DNAH12: variants seen among roughly 807,000 people sequenced by gnomAD.
The protein encoded by DNAH12 is axonemal beta dynein heavy chain 12.
Under a neutral mutation model 371.5 loss-of-function variants are expected in DNAH12, and 285 were observed. The ratio of observed to expected loss-of-function variants is 0.77; its 90% CI spans 0.70 to 0.85. The LOEUF (loss-of-function observed/expected upper bound fraction) is 0.85. Ranked by LOEUF, DNAH12 falls within the 40% of genes least tolerant of loss-of-function variation. The pLI is 0.00. For missense variants in DNAH12, 3,611 were observed against 3,689.4 expected, an observed-to-expected ratio of 0.98 and a Z score of 0.55; for synonymous variants, 1,200 against 1,213.0, an observed-to-expected ratio of 0.99 and a Z score of 0.22.
At chr3:57,536,735 T>C (rs886294758) in intron 2 of DNAH12, among the ~76,000 whole-genome samples, 48 of 152,318 alleles carry the variant, frequency 3.2e-4, no homozygotes, top group Non-Finnish European at 5.6e-4. Flanking sequence ...ATAGTTAGCC[T>C]TGCACTGTAA....
intron 72 of DNAH12, 93 bp from the exon 73 acceptor site, chr3:57,295,685 A>G: frequency 1.9e-6 from 2 of 1,079,790 alleles, no homozygotes; most frequent in Admixed American, 5.9e-5. Context: ...TTACTAAAAG[A>G]AAGGACTAGA....
chr3:57,309,900 T>C, intron 67 of DNAH12, 46 bp from the exon 68 acceptor site: 3 of 1,495,136 alleles, frequency 2.0e-6, no homozygotes, highest in Non-Finnish European at 2.7e-6. Context: ...CCCTGGATAC[T>C]GAAAGGGATG....
intron 13 of DNAH12, among the ~76,000 whole-genome samples, chr3:57,473,247 G>A (rs1015416168): frequency 1.4e-4 from 21 of 152,120 alleles, no homozygotes; most frequent in Non-Finnish European, 4.4e-5. Context: ...AACACTTTGG[G>A]AAGCTGAGGC....
chr3:57,316,140 T>G (rs940052553), intron 65 of DNAH12, among the ~76,000 whole-genome samples: 1 of 151,872 alleles, frequency 6.6e-6, no homozygotes, highest in East Asian at 1.9e-4. Context: ...CCCCTTTTTT[T>G]TTTTTGCTTG....
intron 2 of DNAH12, among the ~76,000 whole-genome samples, chr3:57,536,993 G>C (rs1182527455): frequency 1.4e-5 from 1 of 72,258 alleles, no homozygotes; most frequent in Non-Finnish European, 3.5e-5. Context: ...TTGAGTTCAA[G>C]ACCAGCCTGG....
chr3:57,404,070 C>T (rs1553680115), intron 42 of DNAH12, among the ~76,000 whole-genome samples: 1 of 152,114 alleles, frequency 6.6e-6, no homozygotes, highest in African/African-American at 2.4e-5. Context: ...GTTGAAGATG[C>T]TTATATACTA....
chr3:57,343,978 T>A (rs1553657179), intron 60 of DNAH12, among the ~76,000 whole-genome samples: 1 of 152,148 alleles, frequency 6.6e-6, no homozygotes, highest in Non-Finnish European at 1.5e-5. Context: ...CTCCTTATTA[T>A]CACCCTGTTC....
intron 60 of DNAH12, among the ~76,000 whole-genome samples, chr3:57,337,023 A>G (rs1365880744): frequency 6.6e-6 from 1 of 152,218 alleles, no homozygotes; most frequent in Non-Finnish European, 1.5e-5. Flanking sequence ...CCTCACCTGA[A>G]AAGACAGAGA....
chr3:57,421,783 A>G, intron 35 of DNAH12, 77 bp from the exon 36 acceptor site: 1 of 1,454,900 alleles, frequency 6.9e-7, no homozygotes, highest in Non-Finnish European at 9.4e-7. Flanking sequence ...CCAAAATTCA[A>G]TATATTAGGA....
rs1177942335 is a variant in DNAH12, at chr3:57,419,362, C to G, written c.5714+5G>C. 1 of 1,491,594 alleles carries G rather than the reference C, an allele frequency of 6.7e-7. No individual in the cohort carries two copies. The highest frequency in any genetic ancestry group is 8.9e-7 in the Non-Finnish European group (1 of 1,128,074). 92.4% of individuals were successfully genotyped at this position (1,491,594 alleles called of 1,614,324 possible). ...AAAATGCTTGTTTATAGCAGAGTTC[C>G]TTACTTTGCATAGGTAATACTCAAA... On this transcript the variant is annotated splice_donor_5th_base_variant and intron_variant, in intron 37 of 73. Coordinates refer to ENST00000495027, the MANE Select transcript of DNAH12 (RefSeq NM_001366028.2).
rs141744119 is a variant in DNAH12 at position 57,508,250 on chromosome 3, G to C, written c.701+132C>G. ...CCCACACAATTGTTGAAACAAACAAGATACATTTTTTTAAACTCTAAAATC... is the reference window on the plus strand; with the variant it reads ...CCCACACAATTGTTGAAACAAACAACATACATTTTTTTAAACTCTAAAATC... On this transcript the variant is annotated intron_variant, in intron 7 of 73. Transcript: ENST00000495027. 662 of 809,896 alleles carry C rather than the reference G, an allele frequency of 8.2e-4. 13 individuals carry two copies. The East Asian group carries it at 0.018, about 22-fold the overall frequency. The allele number at this position is 809,896 out of a possible 1,614,324, so 50.2% of individuals were successfully genotyped here.
In DNAH12 at chr3:57,445,230, A is replaced by C; in HGVS notation, c.4369T>G (p.Leu1457Val). Reference sequence around the variant, plus strand: ...AGTTTTAGATTGCCAGCAGCCACTAAAACGGCTTTTACTGCTCGCATTCCA... The same window carrying C: ...AGTTTTAGATTGCCAGCAGCCACTACAACGGCTTTTACTGCTCGCATTCCA... ...DYGMRAVKAV[L>V]VAAGNLKLKY... Residue 1457 changes from leucine to valine, a missense_variant, in exon 28 of 74, where the codon TTA becomes GTA. By Grantham distance (32) the Leu-to-Val change is conservative. Around this residue, in one of 3 missense-constraint regions of DNAH12, gnomAD observed 2,266 missense variants for 2,236.9 expected, o/e 1.01. Coordinates refer to ENST00000495027, the MANE Select transcript of DNAH12 (RefSeq NM_001366028.2). 1.9e-6 allele frequency: 3 copies of C among 1,550,726 alleles called. No homozygotes were observed. The highest frequency in any genetic ancestry group is 2.4e-5 in the South Asian group (2 of 83,918).
Position 57,421,542 on chromosome 3 carries a change from G to T in DNAH12, c.5538C>A (p.Gly1846=). Residue 1846 remains glycine, a synonymous_variant, in exon 36 of 74, where the codon GGC becomes GGA. Transcript: ENST00000495027. ...GKWECPFDEK[G]LVYDYMYELK... ...CCTCATACATGTAGTCATAGACCAG[G>T]CCTTTTTCATCAAATGGGCATTCCC... The T allele has an allele frequency of 6.4e-7, 1 of 1,551,520 alleles. No individual in the cohort carries two copies. Among genetic ancestry groups the T allele is most frequent in the South Asian group, 1.2e-5 (1 of 84,058 alleles).
At chr3:57,482,552 C>T (rs1302339181) in intron 13 of DNAH12, among the ~76,000 whole-genome samples, 1 of 152,036 alleles carries the variant, frequency 6.6e-6, no homozygotes, top group Non-Finnish European at 1.5e-5. Context: ...TACCATTTGA[C>T]CCAGCCATCC....
chr3:57,519,061 G>T (rs2068309692), intron 4 of DNAH12, among the ~76,000 whole-genome samples: 1 of 152,200 alleles, frequency 6.6e-6, no homozygotes, highest in Non-Finnish European at 1.5e-5. Flanking sequence ...AAAGTCAGCT[G>T]AAATTGTCAC....
intron 44 of DNAH12, among the ~76,000 whole-genome samples, chr3:57,393,076 T>C (rs2063659177): frequency 6.6e-6 from 1 of 152,204 alleles, no homozygotes; most frequent in South Asian, 2.1e-4. Context: ...CTGAGAGCTG[T>C]GTAAGTGCCT....
intron 13 of DNAH12, among the ~76,000 whole-genome samples, chr3:57,481,207 G>A (rs558932762): frequency 3.3e-5 from 5 of 152,290 alleles, no homozygotes; most frequent in African/African-American, 9.6e-5. Context: ...AAGCTGATAG[G>A]TAACTTCAGC....
At position 57,308,211 on chromosome 3, in the gene DNAH12, ATG is replaced by A. The variant is rs1041623637; in HGVS notation, c.11189+938_11189+939del. On this transcript the variant is annotated intron_variant, in intron 69 of 73. Coordinates refer to ENST00000495027, the MANE Select transcript of DNAH12 (RefSeq NM_001366028.2). The stretch of plus-strand genomic sequence containing the variant: ...TCCCACAGGGTCTAAGAAGGCCACC[ATG>A]GTCACTTCTTCCCTTCTGTCAGACA... Among the ~76,000 whole-genome samples, 11 of 152,260 alleles carry A rather than the reference ATG, an allele frequency of 7.2e-5. No individual in the cohort carries two copies. The South Asian group carries it at 1.7e-3, about 23-fold the overall frequency.
chr3:57,463,901 G>T (rs1368144073), intron 17 of DNAH12, among the ~76,000 whole-genome samples: 26 of 151,870 alleles, frequency 1.7e-4, no homozygotes. Flanking sequence ...CCAAGTAACT[G>T]GGATTACAGA....
Sources: gnomAD v4.1 joint callset for allele counts (sites outside exome capture counted in the v4.1 genomes callset) on GRCh38, gnomAD v4.1.1 for gene constraint, gnomAD v4.1.1 regional missense constraint, MANE v1.5 for transcripts, NCBI Gene and HGNC (gene_info 2026-07-23, HGNC 2026-07-21) for gene names.